Variants in PLCZ1 observed in about 807,000 individuals in gnomAD.
PLCZ1 encodes 1-phosphatidylinositol 4,5-bisphosphate phosphodiesterase zeta-1.
A neutral mutation model predicts 76.8 loss-of-function variants in PLCZ1; 64 were observed. The ratio of observed to expected loss-of-function variants is 0.83; its 90% CI spans 0.68 to 1.03. The LOEUF is 1.03. PLCZ1 is among the 50% of genes least tolerant of loss of function. The probability of loss-of-function intolerance (pLI) is 0.00; values close to 1 mark genes in which losing one functional copy is unlikely to be tolerated. For missense variants in PLCZ1, 751 were observed against 713.7 expected (o/e 1.05, Z -0.60); for synonymous variants, 248 against 230.8 (o/e 1.07, Z -0.68).
At chr12:18,727,399 A>AT (rs771638395) in intron 3 of PLCZ1, among the ~76,000 whole-genome samples, 28 of 152,188 alleles carry the variant, frequency 1.8e-4, no homozygotes, top group Middle Eastern at 3.4e-3. Context: ...TAATAGACAC[A>AT]ATAAGGAAAG....
chr12:18,688,347 G>T, intron 12 of PLCZ1, 129 bp from the exon 13 acceptor site: 1 of 896,272 alleles, frequency 1.1e-6, no homozygotes, highest in Non-Finnish European at 1.6e-6. Context: ...CATTGAAAGT[G>T]GAATACAATA....
At chr12:18,678,451 G>C (rs1318679015), downstream of PLCZ1, among the ~76,000 whole-genome samples, 1 of 151,896 alleles carries the variant, frequency 6.6e-6, no homozygotes, top group Non-Finnish European at 1.5e-5. Context: ...CATGATAATT[G>C]AGATAAACAC....
chr12:18,674,676 G>A, the PLCZ1 span, among the ~76,000 whole-genome samples: 1 of 152,142 alleles, frequency 6.6e-6, no homozygotes, highest in South Asian at 2.1e-4. Flanking sequence ...CTCCCATGAA[G>A]AGGCAAAGCA....
chr12:18,686,981 G>A (rs1459798430), intron 13 of PLCZ1, among the ~76,000 whole-genome samples: 2 of 151,958 alleles, frequency 1.3e-5, no homozygotes, highest in African/African-American at 4.8e-5. Flanking sequence ...AGCATTTTGT[G>A]ATGAAGATTC....
chr12:18,664,656 G>A, the PLCZ1 span, among the ~76,000 whole-genome samples: 1 of 151,746 alleles, frequency 6.6e-6, no homozygotes, highest in Non-Finnish European at 1.5e-5. Flanking sequence ...CCCATTATTG[G>A]GTATATACCC....
chr12:18,661,028 A>G, the PLCZ1 span, among the ~76,000 whole-genome samples: 1 of 152,192 alleles, frequency 6.6e-6, no homozygotes, highest in African/African-American at 2.4e-5. Context: ...AAAATTCACT[A>G]GAAGAATTGA....
At chr12:18,712,714 C>T (rs1957485695) in intron 6 of PLCZ1, 128 bp downstream of exon 6, 4 of 1,162,888 alleles carry the variant, frequency 3.4e-6, no homozygotes, top group Admixed American at 3.8e-5. Flanking sequence ...TCACTGCCTA[C>T]TAATGGATCA....
chr12:18,650,153 C>T, the PLCZ1 span, among the ~76,000 whole-genome samples: 26 of 151,850 alleles, frequency 1.7e-4, no homozygotes, highest in Non-Finnish European at 7.4e-5. Flanking sequence ...ACTCAGTATC[C>T]CCAAAAGTAC....
At chr12:18,650,704 GTATATATCTATATATATATATATATATA>G in the PLCZ1 span, among the ~76,000 whole-genome samples, 15 of 57,790 alleles carry the variant, frequency 2.6e-4, no homozygotes, top group African/African-American at 5.2e-4. Context: ...GTGTGTGTGT[GTATATATCTATATATATATATATATATA>G]TATATATATA....
chr12:18,731,467 G>C (rs972512279), intron 3 of PLCZ1, among the ~76,000 whole-genome samples: 1 of 151,036 alleles, frequency 6.6e-6, no homozygotes, highest in African/African-American at 2.4e-5. Context: ...AAAAACTGGG[G>C]CTTGGGGAAA....
intron 7 of PLCZ1, among the ~76,000 whole-genome samples, chr12:18,703,162 T>C (rs1412746539): frequency 1.3e-5 from 2 of 152,212 alleles, no homozygotes; most frequent in African/African-American, 2.4e-5. Context: ...TTTGATGATA[T>C]GTTTCGAAAT....
Position 18,719,166 on chromosome 12 carries a change from C to A in PLCZ1, c.569+265G>T, listed in dbSNP as rs115192830. Among the ~76,000 whole-genome samples, 494 of 152,142 alleles carry A rather than the reference C, an allele frequency of 3.2e-3. 4 individuals are homozygous for A. The highest frequency in any genetic ancestry group is 0.011 in the African/African-American group (474 of 41,516). On this transcript the variant is annotated intron_variant, in intron 5 of 14. Coordinates refer to ENST00000266505, the MANE Select transcript of PLCZ1 (RefSeq NM_033123.4). ...AGTGTCTAGGTTATTCAGCAAACTT[C>A]GGAGGGGCCATAACCATGGAGAGGA...
intron 12 of PLCZ1, among the ~76,000 whole-genome samples, chr12:18,691,452 A>C (rs1372675718): frequency 6.6e-6 from 1 of 152,180 alleles, no homozygotes; most frequent in Non-Finnish European, 1.5e-5. Context: ...TATGTAACAG[A>C]ATCCAAGGAG....
chr12:18,703,020 G>T (rs1446440803), intron 7 of PLCZ1, among the ~76,000 whole-genome samples: 1 of 151,848 alleles, frequency 6.6e-6, no homozygotes, highest in African/African-American at 2.4e-5. Flanking sequence ...TTAATATGGA[G>T]CTAAAATTTG....
chr12:18,703,489 T>C (rs1231257164), intron 7 of PLCZ1, among the ~76,000 whole-genome samples: 1 of 152,220 alleles, frequency 6.6e-6, no homozygotes, highest in African/African-American at 2.4e-5. Flanking sequence ...CATTGCTTTC[T>C]GACCTTTGTG....
chr12:18,672,305 A>C, the PLCZ1 span, among the ~76,000 whole-genome samples: 1 of 152,136 alleles, frequency 6.6e-6, no homozygotes, highest in South Asian at 2.1e-4. Context: ...CTCAGTCGTC[A>C]TTGCTCATCT....
At chr12:18,680,470 C>A (rs1952308708), downstream of PLCZ1, among the ~76,000 whole-genome samples, 1 of 152,020 alleles carries the variant, frequency 6.6e-6, no homozygotes, top group African/African-American at 2.4e-5. Flanking sequence ...TCTTTAGCAA[C>A]CAGCCTGTCA....
chr12:18,678,260 A>G (rs1952128760), downstream of PLCZ1, among the ~76,000 whole-genome samples: 1 of 152,240 alleles, frequency 6.6e-6, no homozygotes, highest in South Asian at 2.1e-4. Flanking sequence ...TAAACCTTTC[A>G]TGCATCATTT....
At chr12:18,690,509 G>A (rs1165306716) in intron 12 of PLCZ1, among the ~76,000 whole-genome samples, 1 of 152,152 alleles carries the variant, frequency 6.6e-6, no homozygotes, top group Non-Finnish European at 1.5e-5. Context: ...ACAGATGTGA[G>A]CCTCCATACC....
Sources: allele counts gnomAD v4.1 joint callset (sites outside exome capture counted in the v4.1 genomes callset), GRCh38; gene constraint gnomAD v4.1.1; transcripts MANE v1.5; gene names NCBI Gene and HGNC (gene_info 2026-07-23, HGNC 2026-07-21).